The following MAPK8IP3 variants were observed in gnomAD, a reference collection of about 807,000 sequenced individuals.
MAPK8IP3 encodes mitogen-activated protein kinase 8 interacting protein 3, also known as C-Jun-amino-terminal kinase-interacting protein 3.
A neutral mutation model predicts 157.8 loss-of-function variants in MAPK8IP3; 49 were observed. The ratio of observed to expected loss-of-function variants is 0.31; its 90% CI spans 0.25 to 0.39. The LOEUF is 0.39. Among genes scored for constraint, MAPK8IP3 ranks in the 10% least tolerant of loss-of-function variants. MAPK8IP3 has a pLI of 1.00. For synonymous variants in MAPK8IP3, 897 were observed against 777.7 expected (o/e 1.15, Z -2.55); for missense variants, 1,478 against 1,889.4 (o/e 0.78, Z 4.04).
rs1047500019 is a variant in MAPK8IP3 at position 1,727,796 on chromosome 16, G to A, written c.440-1342G>A. 2.6e-5 allele frequency among the ~76,000 whole-genome samples: 4 copies of A among 152,324 alleles called. No individual in the cohort carries two copies. In the South Asian group the frequency reaches 6.2e-4, roughly 24 times the overall value. On this transcript the variant is annotated intron_variant, in intron 2 of 31. Coordinates refer to ENST00000610761, the MANE Select transcript of MAPK8IP3 (RefSeq NM_001318852.2). Reference sequence around the variant, plus strand: ...CCTGGTAGAGATGCGAGAGCCCAGCGTAGGCCGCCGCGGCCTCCAAGGATG... The same window carrying A: ...CCTGGTAGAGATGCGAGAGCCCAGCATAGGCCGCCGCGGCCTCCAAGGATG...
At chr16:1,753,903 G>T (rs1157143884) in intron 8 of MAPK8IP3, among the ~76,000 whole-genome samples, 4 of 152,126 alleles carry the variant, frequency 2.6e-5, no homozygotes, top group African/African-American at 9.6e-5. Flanking sequence ...GCCGGGCACA[G>T]TGGCTCACGC....
intron 17 of MAPK8IP3, 72 bp from the exon 18 acceptor site, chr16:1,764,043 C>T: frequency 4.9e-6 from 7 of 1,429,280 alleles, no homozygotes; most frequent in Non-Finnish European, 5.7e-6. Flanking sequence ...GGCAGCCCTA[C>T]CTGTCTCAGA....
Position 1,766,936 on chromosome 16 carries a change from C to T in MAPK8IP3, c.3053C>T (p.Ala1018Val), listed in dbSNP as rs745445655. The T allele has an allele frequency of 1.3e-6, 2 of 1,595,106 alleles. No individual in the cohort carries two copies. The highest frequency in any genetic ancestry group is 1.7e-6 in the Non-Finnish European group (2 of 1,168,606). The change falls in exon 25 of 32, where the codon GCG becomes GTG. Residue 1018 changes from alanine to valine, a missense_variant. Ala to Val is a moderately conservative substitution (Grantham distance 64, BLOSUM62 0). Transcript: ENST00000610761. The part of the protein sequence containing the change: ...HVKGRVLVAL[A>V]DGTLAIFHRG... ...AAAGGCCGTGTGCTGGTGGCTCTGG[C>T]GGACGGGACCCTGGCCATCTTCCAC...
chr16:1,737,553 ACCAT>A (rs1307097465), intron 4 of MAPK8IP3, among the ~76,000 whole-genome samples: 2 of 88,144 alleles, frequency 2.3e-5, no homozygotes, highest in Non-Finnish European at 4.3e-5. Flanking sequence ...TGAGAGTGTG[ACCAT>A]CCATGTGAGC....
At position 1,768,610 on chromosome 16, in the gene MAPK8IP3, C is replaced by T. The variant is rs775517482; in HGVS notation, c.3876C>T (p.Tyr1292=). 3.8e-6 allele frequency: 6 copies of T among 1,595,318 alleles called. No homozygotes were observed. The Admixed American group carries it at 7.0e-5, about 19-fold the overall frequency. The change falls in exon 31 of 32, where the codon TAC becomes TAT. Residue 1292 remains tyrosine, a synonymous_variant. Transcript: ENST00000610761. Reference sequence around the variant, plus strand: ...TGGTGCTGAGCGGCGGGGAGGGCTACATCGACTTCCGCATTGGTGAGCGGG... The same window carrying T: ...TGGTGCTGAGCGGCGGGGAGGGCTATATCGACTTCCGCATTGGTGAGCGGG... ...NVLVLSGGEG[Y]IDFRIGDGED...
In MAPK8IP3 at chr16:1,738,724, T is replaced by A. The variant is rs1354898681; in HGVS notation, c.603-4608T>A. ...GTGAGCGTGTGAGCATCCGTGTGAG[T>A]GTGACCACCCATGTGAGCATCTGTG... On this transcript the variant is annotated intron_variant, in intron 4 of 31. Coordinates refer to ENST00000610761, the MANE Select transcript of MAPK8IP3 (RefSeq NM_001318852.2). 1.0e-3 allele frequency among the ~76,000 whole-genome samples: 125 copies of A among 124,414 alleles called. 2 individuals are homozygous for A. Among genetic ancestry groups the A allele is most frequent in the African/African-American group, 3.6e-3 (113 of 31,622 alleles). The allele number at this position is 124,414 out of a possible 152,430, so 81.6% of individuals were successfully genotyped here.
At chr16:1,723,233 C>T (rs1206197941) in intron 1 of MAPK8IP3, among the ~76,000 whole-genome samples, 1 of 151,962 alleles carries the variant, frequency 6.6e-6, no homozygotes, top group Non-Finnish European at 1.5e-5. Flanking sequence ...CAGAGTTTCA[C>T]CATGTTGGTC....
At chr16:1,709,494 A>C (rs953866546) in intron 1 of MAPK8IP3, among the ~76,000 whole-genome samples, 5 of 152,278 alleles carry the variant, frequency 3.3e-5, no homozygotes, top group Non-Finnish European at 7.3e-5. Context: ...TAGCAGAGTC[A>C]GGGCAGAACC....
intron 8 of MAPK8IP3, among the ~76,000 whole-genome samples, chr16:1,757,797 CCTGCCACACA>C (rs2041698719): frequency 6.6e-6 from 1 of 152,198 alleles, no homozygotes; most frequent in Non-Finnish European, 1.5e-5. Flanking sequence ...CCTGCCACAC[CCTGCCACACA>C]CACTCTCCTC....
Position 1,741,200 on chromosome 16 carries a change from A to G in MAPK8IP3, c.603-2132A>G, listed in dbSNP as rs1285881436. 5.3e-5 allele frequency among the ~76,000 whole-genome samples: 8 copies of G among 151,938 alleles called. No individual in the cohort carries two copies. The highest frequency in any genetic ancestry group is 1.5e-5 in the Non-Finnish European group (1 of 67,978). On this transcript the variant is annotated intron_variant, in intron 4 of 31. Transcript: ENST00000610761. This position sits in a 1 kb window ranked among gnomAD's most constrained non-coding sequence, Gnocchi z 6.9. ...CAGCGTGACCCCCGAGGGTGGCGTG[A>G]CCCCTGGGGGTGGTGGTCTCTGAAC...
rs944639923 is a variant in MAPK8IP3, at chr16:1,769,902, A to T, written c.*1078A>T. ...CTGAGGATGGAGCCGCCCCCAGCCG[A>T]CTCCAAGCCCGCAGAGGGCAGACGC... On this transcript the variant is annotated 3_prime_UTR_variant, in exon 32 of 32. Coordinates refer to ENST00000610761, the MANE Select transcript of MAPK8IP3 (RefSeq NM_001318852.2). 6.6e-6 allele frequency: 1 copy of T among 151,532 alleles called. No individual in the cohort carries two copies. The highest frequency in any genetic ancestry group is 2.4e-5 in the African/African-American group (1 of 41,112). 9.4% of individuals were successfully genotyped at this position (151,532 alleles called of 1,614,324 possible).
At chr16:1,738,829 CCGTGTGAGCGTCCGTGTGAG>C (rs2040333939) in intron 4 of MAPK8IP3, among the ~76,000 whole-genome samples, 2 of 134,826 alleles carry the variant, frequency 1.5e-5, no homozygotes, top group Non-Finnish European at 3.1e-5. Context: ...GTGTGACCGT[CCGTGTGAGCGTCCGTGTGAG>C]CGTGTGAGCG....
chr16:1,759,873 A>G (rs952383419), intron 10 of MAPK8IP3, 85 bp from the exon 11 acceptor site: 2 of 1,198,188 alleles, frequency 1.7e-6, no homozygotes, highest in Non-Finnish European at 2.5e-6. Flanking sequence ...CCTCTTTGGA[A>G]GCGTTGTTGC....
intron 4 of MAPK8IP3, among the ~76,000 whole-genome samples, chr16:1,737,175 A>ACT (rs2040003875): frequency 3.5e-5 from 2 of 56,532 alleles, no homozygotes; most frequent in Non-Finnish European, 6.7e-5. Flanking sequence ...CATCCGTGTG[A>ACT]GCGTGTGACC....
chr16:1,722,907 T>C (rs2038623952), intron 1 of MAPK8IP3, among the ~76,000 whole-genome samples: 1 of 152,020 alleles, frequency 6.6e-6, no homozygotes, highest in Admixed American at 6.6e-5. Flanking sequence ...TTCGCCGTGT[T>C]AGCCAGGATG....
intron 4 of MAPK8IP3, among the ~76,000 whole-genome samples, chr16:1,740,632 C>T (rs1179787140): frequency 1.3e-5 from 2 of 152,232 alleles, no homozygotes; most frequent in African/African-American, 4.8e-5. Context: ...TAACGCCTGT[C>T]TCCTTGTCTT....
chr16:1,763,225 C>T (rs535728257), intron 16 of MAPK8IP3, among the ~76,000 whole-genome samples: 1 of 152,346 alleles, frequency 6.6e-6, no homozygotes, highest in East Asian at 1.9e-4. Context: ...TCAGGATGTC[C>T]CTTGGCAGAG....
intron 4 of MAPK8IP3, among the ~76,000 whole-genome samples, chr16:1,733,414 A>C (rs1417203295): frequency 1.3e-5 from 2 of 152,166 alleles, no homozygotes; most frequent in African/African-American, 4.8e-5. Context: ...GAGCTCAGCC[A>C]AGAGCAGAGG....
In MAPK8IP3 at chr16:1,729,507, G is replaced by C. The variant is rs1193323134; in HGVS notation, c.531G>C (p.Glu177Asp). The change falls in exon 4 of 32, where the codon GAG (glutamate) becomes GAC (aspartate). Residue 177 changes from glutamate to aspartate, a missense_variant. This residue lies in a region of MAPK8IP3 where 315 missense variants were observed against 394.4 expected (regional missense o/e 0.80). Transcript: ENST00000610761. ...RHTEMIQTYV[E>D]HIERSKMQQV... ...CGCAGATGATACAGACCTACGTGGAGCACATTGAGAGGTCCAAGATGCAGC... is the reference window on the plus strand; with the variant it reads ...CGCAGATGATACAGACCTACGTGGACCACATTGAGAGGTCCAAGATGCAGC... 1 of 1,612,950 alleles carries C rather than the reference G, an allele frequency of 6.2e-7. No individual in the cohort carries two copies.
Sources: gnomAD v4.1 joint callset for allele counts (sites outside exome capture counted in the v4.1 genomes callset) on GRCh38, gnomAD v4.1.1 for gene constraint, gnomAD v4.1.1 regional missense constraint, Gnocchi (gnomAD v3.1) non-coding constraint, MANE v1.5 for transcripts, NCBI Gene and HGNC (gene_info 2026-07-23, HGNC 2026-07-21) for gene names.